SPINK5: variants seen among roughly 807,000 people sequenced by gnomAD.
SPINK5 encodes the protein serine protease inhibitor Kazal-type 5.
Under a neutral mutation model 151.8 loss-of-function variants are expected in SPINK5, and 125 were observed. The ratio of observed to expected loss-of-function variants is 0.82; its 90% confidence interval spans 0.71 to 0.96. The LOEUF is 0.96. Ranked by LOEUF, SPINK5 falls within the 40% of genes least tolerant of loss-of-function variation. The pLI is 0.00. For missense variants in SPINK5, 1,194 were observed against 1,291.9 expected, an observed-to-expected ratio of 0.92 and a Z score of 1.16; for synonymous variants, 374 against 395.3, an observed-to-expected ratio of 0.95 and a Z score of 0.64.
intron 21 of SPINK5, among the ~76,000 whole-genome samples, chr5:148,115,557 G>A (rs554363533): frequency 3.3e-5 from 5 of 152,272 alleles, no homozygotes; most frequent in African/African-American, 9.6e-5. Flanking sequence ...GCTAGAAGGC[G>A]AGTGGATCAA....
intron 7 of SPINK5, chr5:148,090,787 C>G (rs2113074155): frequency 4.6e-6 from 1 of 217,720 alleles, no homozygotes; most frequent in African/African-American, 2.3e-5. Context: ...TATTTTAAAG[C>G]TCTTGGTTCT....
chr5:148,136,907 C>G lies in SPINK5; in HGVS notation c.3187-76C>G, dbSNP rs4334874. On this transcript the variant is annotated intron_variant, in intron 32 of 32. Transcript: ENST00000256084. ...TCTATGGATTTCTTTGATTAAGATG[C>G]AGCTATAAATATACAGCCCACATTT... is the stretch of plus-strand genomic sequence containing the variant. 2 of 1,543,574 alleles carry G rather than the reference C, an allele frequency of 1.3e-6. No homozygotes were observed. Among genetic ancestry groups the G allele is most frequent in the Non-Finnish European group, 1.8e-6 (2 of 1,117,266 alleles).
intron 4 of SPINK5, among the ~76,000 whole-genome samples, chr5:148,075,973 A>T (rs1400765292): frequency 2.0e-5 from 3 of 151,786 alleles, no homozygotes; most frequent in Non-Finnish European, 4.4e-5. Context: ...GTCATAATTG[A>T]AGCAAGTGTA....
intron 32 of SPINK5, among the ~76,000 whole-genome samples, chr5:148,136,528 T>C (rs1044907471): frequency 6.6e-6 from 1 of 152,184 alleles, no homozygotes; most frequent in Admixed American, 6.6e-5. Flanking sequence ...TTCAAATATA[T>C]GGATGAGTCA....
intron 16 of SPINK5, 102 bp downstream of exon 16, chr5:148,105,102 T>C (rs894450536): frequency 8.4e-6 from 11 of 1,306,756 alleles, no homozygotes; most frequent in Non-Finnish European, 1.1e-5. Context: ...TTAATTTTCA[T>C]GCCTGAAATA....
chr5:148,094,742 G>A (rs1313991792), intron 9 of SPINK5, among the ~76,000 whole-genome samples: 1 of 151,942 alleles, frequency 6.6e-6, no homozygotes, highest in Non-Finnish European at 1.5e-5. Context: ...CCCTGTGACT[G>A]TGACCTATGT....
At chr5:148,121,940 C>T (rs1754277652) in intron 26 of SPINK5, among the ~76,000 whole-genome samples, 1 of 151,734 alleles carries the variant, frequency 6.6e-6, no homozygotes. Context: ...TGCACTCCAG[C>T]CTGGGCAACA....
chr5:148,091,478 C>T (rs2113077484), intron 8 of SPINK5, among the ~76,000 whole-genome samples: 1 of 151,766 alleles, frequency 6.6e-6, no homozygotes, highest in South Asian at 2.1e-4. Flanking sequence ...CTCTAGCCCC[C>T]AAAAGAAGAT....
chr5:148,069,452 C>CA (rs5872056), intron 2 of SPINK5, among the ~76,000 whole-genome samples: 5 of 149,406 alleles, frequency 3.3e-5, no homozygotes, highest in Admixed American at 6.7e-5. Flanking sequence ...AGGGATGTGC[C>CA]AAAAAAAAAA....
intron 18 of SPINK5, among the ~76,000 whole-genome samples, chr5:148,109,876 C>T (rs548319744): frequency 6.6e-6 from 1 of 152,260 alleles, no homozygotes; most frequent in African/African-American, 2.4e-5. Context: ...TCTGGAAGTG[C>T]CATACATGGT....
At chr5:148,125,604 G>A in intron 28 of SPINK5, 119 bp from the exon 29 acceptor site, 4 of 1,614,194 alleles carry the variant, frequency 2.5e-6, no homozygotes, top group Non-Finnish European at 3.4e-6. Context: ...CTGTTGCCAG[G>A]ATGAGTACAG....
intron 30 of SPINK5, among the ~76,000 whole-genome samples, chr5:148,131,020 T>A (rs1194130986): frequency 6.6e-6 from 1 of 152,224 alleles, no homozygotes; most frequent in Non-Finnish European, 1.5e-5. Flanking sequence ...GCTTTCTTAT[T>A]GCTTTGCTAC....
chr5:148,099,405 ATCCCCAGAATATCTTAAC>A, intron 12 of SPINK5, 90 bp downstream of exon 12: 1 of 1,058,822 alleles, frequency 9.4e-7, no homozygotes, highest in Non-Finnish European at 1.4e-6. Flanking sequence ...CCCTGCAGAA[ATCCCCAGAATATCTTAAC>A]TCTTCAATCT....
rs969172499 is a variant in SPINK5, at chr5:148,119,125, A to G, written c.2313+67A>G. On this transcript the variant is annotated intron_variant, in intron 24 of 32. Coordinates refer to ENST00000256084, the MANE Select transcript of SPINK5 (RefSeq NM_006846.4). ...GAGTCAGCAGTTGGCGATCAAAACT[A>G]TAGAAGAAGGTGTCAACATGATCAA... The G allele has an allele frequency of 1.8e-4, 267 of 1,469,636 alleles. 1 individual carries two copies. The Middle Eastern group carries it at 2.2e-3, about 12-fold the overall frequency. The allele number at this position is 1,469,636 out of a possible 1,614,324, so 91.0% of individuals were successfully genotyped here.
intron 18 of SPINK5, among the ~76,000 whole-genome samples, chr5:148,110,991 T>TA (rs113603513): frequency 3.3e-5 from 5 of 151,734 alleles, no homozygotes; most frequent in African/African-American, 9.7e-5. Flanking sequence ...TAAAATAAAA[T>TA]AAAAAACAAT....
chr5:148,067,344 A>G (rs1030238678), intron 2 of SPINK5, among the ~76,000 whole-genome samples: 3 of 152,196 alleles, frequency 2.0e-5, no homozygotes, highest in Admixed American at 1.3e-4. Context: ...GAAAAAGAGA[A>G]TAACAGCAAC....
chr5:148,126,306 A>G (rs573656326), intron 29 of SPINK5, among the ~76,000 whole-genome samples: 5 of 111,706 alleles, frequency 4.5e-5, no homozygotes, highest in African/African-American at 1.5e-4. Context: ...TGGACATTAT[A>G]AATGATGATG....
chr5:148,123,445 C>CTATCTATAGATATA (rs1554106812), intron 26 of SPINK5, among the ~76,000 whole-genome samples: 1 of 130,354 alleles, frequency 7.7e-6, no homozygotes, highest in Non-Finnish European at 1.6e-5. Context: ...ATCTATCTAT[C>CTATCTATAGATATA]TATATATATA....
Position 148,137,130 on chromosome 5 carries a change from G to A in SPINK5, c.*139G>A, listed in dbSNP as rs939758164. On this transcript the variant is annotated 3_prime_UTR_variant, in exon 33 of 33. Transcript: ENST00000256084. ...AAACAATACAGAGCTTTTGGGAATG[G>A]ACTCACTGATTTTCAGTCTTTTCCA... 3.0e-5 allele frequency: 34 copies of A among 1,134,426 alleles called. No homozygotes were observed. Among genetic ancestry groups the A allele is most frequent in the African/African-American group, 4.6e-5 (3 of 64,672 alleles). 70.3% of individuals were successfully genotyped at this position (1,134,426 alleles called of 1,614,324 possible). A position where few individuals can be genotyped will look rare whatever the true frequency, so the allele number is the denominator to read the frequency against.
Sources: gnomAD v4.1 joint callset for allele counts (sites outside exome capture counted in the v4.1 genomes callset) on GRCh38, gnomAD v4.1.1 for gene constraint, MANE v1.5 for transcripts, NCBI Gene and HGNC (gene_info 2026-07-23, HGNC 2026-07-21) for gene names.